The following NEMF variants were observed in gnomAD, a reference collection of about 807,000 sequenced individuals.
NEMF encodes nuclear export mediator factor, also known as ribosome quality control complex subunit NEMF.
Under a neutral mutation model 162.2 loss-of-function variants are expected in NEMF, and 89 were observed. The ratio of observed to expected loss-of-function variants is 0.55; its 90% confidence interval spans 0.46 to 0.65. NEMF has a LOEUF of 0.65. Ranked by LOEUF, NEMF falls within the 30% of genes least tolerant of loss-of-function variation. The pLI is 0.00. For synonymous variants in NEMF, 421 were observed against 404.5 expected (o/e 1.04, Z -0.49); for missense variants, 1,133 against 1,261.9 (o/e 0.90, Z 1.55).
intron 6 of NEMF, 25 bp from the exon 7 acceptor site, chr14:49,834,474 T>C: frequency 3.5e-6 from 5 of 1,419,516 alleles, no homozygotes; most frequent in Non-Finnish European, 4.9e-6. Context: ...GATATTACTT[T>C]TAGTATTTTC....
Position 49,828,341 on chromosome 14 carries a change from T to C in NEMF, c.1438A>G (p.Lys480Glu). The C allele has an allele frequency of 1.3e-6, 2 of 1,588,504 alleles. No homozygotes were observed. The highest frequency in any genetic ancestry group is 1.7e-6 in the Non-Finnish European group (2 of 1,162,280). Residue 480 changes from lysine (K) to glutamate (E), a missense_variant, in exon 15 of 33, where the codon AAG becomes GAG. This residue lies in a region of NEMF where 582 missense variants were observed against 631.5 expected (regional missense o/e 0.92). Coordinates refer to ENST00000298310, the MANE Select transcript of NEMF (RefSeq NM_004713.6). ...TGTGTTTTCTTAGCAGCATATCTCT[T>C]GTGATCATAATACCTAGAAAAACAT... ...YANAKKYYDH[K>E]RYAAKKTQKT...
At chr14:49,788,511 A>C (rs1008051864) in intron 28 of NEMF, among the ~76,000 whole-genome samples, 3 of 151,944 alleles carry the variant, frequency 2.0e-5, no homozygotes, top group African/African-American at 7.2e-5. Flanking sequence ...AGAAAGTGAA[A>C]ATTTATTTTC....
intron 16 of NEMF, chr14:49,820,342 C>T (rs1022662170): frequency 2.3e-6 from 1 of 443,110 alleles, no homozygotes; most frequent in African/African-American, 2.0e-5. Flanking sequence ...TTAATGAATA[C>T]CTTTTGAGTT....
chr14:49,835,785 C>T (rs1223124996), intron 6 of NEMF, among the ~76,000 whole-genome samples: 2 of 152,144 alleles, frequency 1.3e-5, no homozygotes, highest in African/African-American at 4.8e-5. Context: ...AAAAACCCTA[C>T]TAGAATGAAT....
At chr14:49,847,339 G>C (rs1893553344) in intron 3 of NEMF, among the ~76,000 whole-genome samples, 1 of 151,716 alleles carries the variant, frequency 6.6e-6, no homozygotes, top group Non-Finnish European at 1.5e-5. Context: ...GAGTAGCTGG[G>C]ACTACAGGCG....
In NEMF at chr14:49,782,731, T is replaced by C; in HGVS notation, c.*1905A>G. Reference sequence around the variant, plus strand: ...CTATAACCAGTTCCTATGAAAATCTTTGAAGAAAGAAAGAGGGATGTTTTA... The same window carrying C: ...CTATAACCAGTTCCTATGAAAATCTCTGAAGAAAGAAAGAGGGATGTTTTA... On this transcript the variant is annotated 3_prime_UTR_variant, in exon 33 of 33. Transcript: ENST00000298310. 3 of 1,451,274 alleles carry C rather than the reference T, an allele frequency of 2.1e-6. No homozygotes were observed. Among genetic ancestry groups the C allele is most frequent in the Non-Finnish European group, 2.8e-6 (3 of 1,066,112 alleles). 89.9% of individuals were successfully genotyped at this position (1,451,274 alleles called of 1,614,324 possible).
chr14:49,815,294 T>A (rs1891664376), intron 16 of NEMF, among the ~76,000 whole-genome samples: 1 of 152,180 alleles, frequency 6.6e-6, no homozygotes, highest in Non-Finnish European at 1.5e-5. Context: ...TTCTTTACAT[T>A]TTTTTAAATA....
chr14:49,827,152 C>T (rs1353378884), intron 15 of NEMF, among the ~76,000 whole-genome samples: 1 of 152,068 alleles, frequency 6.6e-6, no homozygotes, highest in Non-Finnish European at 1.5e-5. Flanking sequence ...TGGGAAGCAA[C>T]TGGAAGAGAA....
At chr14:49,849,455 A>C (rs1893668154) in intron 3 of NEMF, among the ~76,000 whole-genome samples, 1 of 152,270 alleles carries the variant, frequency 6.6e-6, no homozygotes, top group South Asian at 2.1e-4. Context: ...TGGAACAACC[A>C]CTGTGATTTA....
At chr14:49,792,150 A>G (rs1890482895) in intron 26 of NEMF, among the ~76,000 whole-genome samples, 1 of 151,970 alleles carries the variant, frequency 6.6e-6, no homozygotes, top group African/African-American at 2.4e-5. Context: ...CTAAAAAAAA[A>G]AAAAGTCTCC....
chr14:49,824,407 G>T (rs1354144955), intron 16 of NEMF, among the ~76,000 whole-genome samples: 1 of 151,760 alleles, frequency 6.6e-6, no homozygotes, highest in Non-Finnish European at 1.5e-5. Flanking sequence ...GCCAGGCGTG[G>T]TGGTGGGTGC....
At position 49,782,255 on chromosome 14, in the gene NEMF, T is replaced by G. The variant is rs975161348; in HGVS notation, c.*2381A>C. On this transcript the variant is annotated 3_prime_UTR_variant, in exon 33 of 33. Transcript: ENST00000298310. Reference sequence around the variant, plus strand: ...AAGATTTTACTTCTCGCCATGATGTTTTGGTCTGAACTACCTTAAGATCGC... The same window carrying G: ...AAGATTTTACTTCTCGCCATGATGTGTTGGTCTGAACTACCTTAAGATCGC... 4 of 606,312 alleles carry G rather than the reference T, an allele frequency of 6.6e-6. No individual in the cohort carries two copies. The highest frequency in any genetic ancestry group is 1.2e-5 in the Non-Finnish European group (4 of 341,334). 37.6% of individuals were successfully genotyped at this position (606,312 alleles called of 1,614,324 possible). A position where few individuals can be genotyped will look rare whatever the true frequency, so the allele number is the denominator to read the frequency against.
At chr14:49,801,439 G>A (rs1890949595) in intron 22 of NEMF, 1 of 151,542 alleles carries the variant, frequency 6.6e-6, no homozygotes, top group Non-Finnish European at 1.5e-5. Context: ...AGTGAGCCGA[G>A]ATTGTGCCAC....
At chr14:49,849,966 G>C (rs979414562) in intron 3 of NEMF, among the ~76,000 whole-genome samples, 1 of 152,104 alleles carries the variant, frequency 6.6e-6, no homozygotes, top group African/African-American at 2.4e-5. Context: ...CTAAATTGCT[G>C]GGGGGTAAAG....
In NEMF at chr14:49,852,726, G is replaced by C. The variant is rs752640790; in HGVS notation, c.28C>G (p.Leu10Val). The change falls in exon 1 of 33, where the codon CTC becomes GTC. Residue 10 changes from leucine to valine, a missense_variant. Coordinates refer to ENST00000298310, the MANE Select transcript of NEMF (RefSeq NM_004713.6). MKSRFSTID[L>V]RAVLAELNAS... Reference sequence around the variant, plus strand: ...TTCAGCTCCGCGAGTACGGCGCGGAGGTCAATGGTGCTAAAGCGGCTCTTC... The same window carrying C: ...TTCAGCTCCGCGAGTACGGCGCGGACGTCAATGGTGCTAAAGCGGCTCTTC... 4 of 1,614,262 alleles carry C rather than the reference G, an allele frequency of 2.5e-6. No homozygotes were observed. The highest frequency in any genetic ancestry group is 3.4e-6 in the Non-Finnish European group (4 of 1,180,054).
At chr14:49,818,118 C>T (rs1365609505) in intron 16 of NEMF, among the ~76,000 whole-genome samples, 2 of 145,864 alleles carry the variant, frequency 1.4e-5, no homozygotes, top group Non-Finnish European at 3.0e-5. Flanking sequence ...GACAGAGTCT[C>T]GCACTGTCAC....
chr14:49,800,332 T>G, intron 23 of NEMF, 88 bp downstream of exon 23: 1 of 977,212 alleles, frequency 1.0e-6, no homozygotes, highest in Non-Finnish European at 1.5e-6. Flanking sequence ...AAAGTACTGA[T>G]GTCAATCTTG....
chr14:49,817,206 G>A (rs1015528240), intron 16 of NEMF, among the ~76,000 whole-genome samples: 3 of 152,186 alleles, frequency 2.0e-5, no homozygotes, highest in Admixed American at 6.5e-5. Flanking sequence ...ACTTTGGGAG[G>A]CCAACGCAGG....
At chr14:49,845,180 C>T (rs1893437348) in intron 4 of NEMF, among the ~76,000 whole-genome samples, 1 of 151,888 alleles carries the variant, frequency 6.6e-6, no homozygotes, top group Non-Finnish European at 1.5e-5. Context: ...GGAACCTCTG[C>T]CTCCCAGGTT....
Sources: allele counts gnomAD v4.1 joint callset (sites outside exome capture counted in the v4.1 genomes callset), GRCh38; gene constraint gnomAD v4.1.1; regional missense constraint gnomAD v4.1.1; transcripts MANE v1.5; gene names NCBI Gene and HGNC (gene_info 2026-07-23, HGNC 2026-07-21).